The following NUMA1 variants were observed in gnomAD, a reference collection of about 807,000 sequenced individuals.
NUMA1 encodes nuclear mitotic apparatus protein 1, also known as SP-H antigen.
NUMA1 carries 62 observed loss-of-function variants against 237.1 expected under a neutral mutation model. The observed-to-expected ratio is 0.26, with a 90% CI of 0.21 to 0.32. NUMA1 has a LOEUF of 0.32. Among genes scored for constraint, NUMA1 ranks in the 10% least tolerant of loss-of-function variants. NUMA1 has a pLI of 1.00. For synonymous variants in NUMA1, 1,028 were observed against 1,066.1 expected (o/e 0.96, Z 0.70); for missense variants, 2,533 against 2,666.5 (o/e 0.95, Z 1.10).
intron 13 of NUMA1, chr11:72,017,297 T>C (rs1937968548): frequency 3.9e-6 from 1 of 258,112 alleles, no homozygotes; most frequent in African/African-American, 2.2e-5. Context: ...CACTGAGAGC[T>C]TACTTTACAC....
In NUMA1 at chr11:72,063,088, C is replaced by A. The variant is rs1943027415; in HGVS notation, c.-33+6754G>T. Among the ~76,000 whole-genome samples the A allele has an allele frequency of 3.3e-5, 5 of 151,660 alleles. No homozygotes were observed. The South Asian group carries it at 1.0e-3, about 32-fold the overall frequency. On this transcript the variant is annotated intron_variant, in intron 2 of 26. Transcript: ENST00000393695. ...CTCCATCTCAAAAACAAAACAAAAC[C>A]TTGATATTTGGGCCAGGTGTGGTGG...
chr11:72,049,558 A>ATT (rs1206062153), intron 2 of NUMA1: 835 of 44,916 alleles, frequency 0.019, 68 homozygotes, highest in Middle Eastern at 0.036. Context: ...AAAAATAATA[A>ATT]TAATATATAT....
At chr11:72,037,504 T>A (rs1941173174) in intron 2 of NUMA1, among the ~76,000 whole-genome samples, 1 of 151,492 alleles carries the variant, frequency 6.6e-6, no homozygotes, top group South Asian at 2.1e-4. Flanking sequence ...AGACTCCGTC[T>A]CAAAAAAAAA....
At position 72,011,355 on chromosome 11, in the gene NUMA1, T is replaced by C. The variant is rs150214094; in HGVS notation, c.4651-501A>G. Among the ~76,000 whole-genome samples the C allele has an allele frequency of 1.8e-3, 281 of 152,348 alleles. 1 individual carries two copies. Among genetic ancestry groups the C allele is most frequent in the Admixed American group, 7.5e-3 (115 of 15,314 alleles). The stretch of plus-strand genomic sequence containing the variant: ...GCCGTTAGGGCTGGTGCTAGCAGCA[T>C]GGCTGCTGTGGTTAGCATTGGGGAA... On this transcript the variant is annotated intron_variant, in intron 16 of 26. Coordinates refer to ENST00000393695, the MANE Select transcript of NUMA1 (RefSeq NM_006185.4).
chr11:72,003,813 T>C, intron 26 of NUMA1, 74 bp downstream of exon 26: 1 of 1,498,534 alleles, frequency 6.7e-7, no homozygotes, highest in African/African-American at 1.4e-5. Flanking sequence ...TCTTGGATGC[T>C]ACTTGGTGGG....
intron 2 of NUMA1, chr11:72,040,684 T>C (rs1941571167): frequency 6.6e-6 from 1 of 152,168 alleles, no homozygotes. Context: ...ACGCTTTCCT[T>C]CTCTGAACAA....
Position 72,022,859 on chromosome 11 carries a change from T to C in NUMA1, c.291+206A>G, listed in dbSNP as rs935495264. Among the ~76,000 whole-genome samples the C allele has an allele frequency of 3.4e-4, 52 of 152,112 alleles. 2 individuals are homozygous for C. The highest frequency in any genetic ancestry group is 2.6e-3 in the Admixed American group (39 of 15,282). On this transcript the variant is annotated intron_variant, in intron 6 of 26. Transcript: ENST00000393695. ...ATTGTTTGTTTCATAATCTCTGTCA[T>C]AAGATCATGGGCTCCTAGAATCCTT...
intron 2 of NUMA1, among the ~76,000 whole-genome samples, chr11:72,043,704 A>G (rs1941830669): frequency 6.6e-6 from 1 of 152,102 alleles, no homozygotes; most frequent in Non-Finnish European, 1.5e-5. Flanking sequence ...GAGCTATACT[A>G]TAGAGGTCAC....
chr11:72,013,274 A>T lies in NUMA1; in HGVS notation c.4229T>A (p.Ile1410Asn). 1 of 1,604,524 alleles carries T rather than the reference A, an allele frequency of 6.2e-7. No individual in the cohort carries two copies. Among genetic ancestry groups the T allele is most frequent in the Non-Finnish European group, 8.5e-7 (1 of 1,179,750 alleles). The change falls in exon 15 of 27, where the codon ATT becomes AAT. Residue 1410 changes from isoleucine to asparagine, a missense_variant. Ile to Asn is a moderately radical substitution (Grantham distance 149). Transcript: ENST00000393695. This position sits in a 1 kb window ranked among gnomAD's most constrained non-coding sequence, Gnocchi z 6.8. ...LRAQRELGELIPLRQKVAEQE... is the reference protein window; with the variant it reads ...LRAQRELGELNPLRQKVAEQE... ...CTCTGCCACCTTCTGCCGCAGAGGA[A>T]TCAGCTCCCCAAGCTCCCGCTGGGC...
chr11:72,049,099 A>G (rs1053226497), intron 2 of NUMA1, among the ~76,000 whole-genome samples: 18 of 152,182 alleles, frequency 1.2e-4, no homozygotes, highest in Admixed American at 4.6e-4. Flanking sequence ...GCCTTTCTAC[A>G]AAACAGCTAA....
At chr11:72,042,447 T>A (rs924181350) in intron 2 of NUMA1, among the ~76,000 whole-genome samples, 2 of 152,196 alleles carry the variant, frequency 1.3e-5, no homozygotes, top group African/African-American at 4.8e-5. Context: ...AAAGAAAAAT[T>A]CTAACCAGTT....
intron 13 of NUMA1, 188 bp from the exon 14 acceptor site, chr11:72,016,718 T>C: frequency 1.5e-6 from 1 of 646,504 alleles, no homozygotes; most frequent in Non-Finnish European, 2.6e-6. Flanking sequence ...CTAGACCTAG[T>C]TCTAAGGCAC....
At chr11:72,038,293 A>G (rs1270280262) in intron 2 of NUMA1, among the ~76,000 whole-genome samples, 1 of 152,200 alleles carries the variant, frequency 6.6e-6, no homozygotes, top group Non-Finnish European at 1.5e-5. Flanking sequence ...AGGTCCTCCC[A>G]GGAGAGCCTG....
chr11:72,005,592 G>A (rs1955631297), intron 22 of NUMA1: 2 of 549,634 alleles, frequency 3.6e-6, no homozygotes, highest in Admixed American at 3.7e-5. Context: ...GAGGTCACAC[G>A]CAGAGACTGC....
At chr11:72,072,860 G>A (rs1041352730) in intron 1 of NUMA1, among the ~76,000 whole-genome samples, 5 of 151,850 alleles carry the variant, frequency 3.3e-5, no homozygotes, top group Admixed American at 6.6e-5. Flanking sequence ...AGAGACCACG[G>A]TGAAACCCCG....
At chr11:72,025,454 G>A (rs1939456594) in intron 4 of NUMA1, among the ~76,000 whole-genome samples, 1 of 152,070 alleles carries the variant, frequency 6.6e-6, no homozygotes, top group African/African-American at 2.4e-5. Flanking sequence ...CCTGCTCTGG[G>A]AGGCTTTTGC....
Position 72,013,011 on chromosome 11 carries a change from C to T in NUMA1, c.4492G>A (p.Ala1498Thr). Residue 1498 changes from alanine to threonine, a missense_variant, in exon 15 of 27, where the codon GCA (alanine) becomes ACA (threonine). Physicochemically the swap from Ala to Thr is moderately conservative, Grantham distance 58. Coordinates refer to ENST00000393695, the MANE Select transcript of NUMA1 (RefSeq NM_006185.4). This position sits in a 1 kb window ranked among gnomAD's most constrained non-coding sequence, Gnocchi z 6.8. ...TCCAGCTCCCGGGCAGTGCTCTGTG[C>T]TTCTCGCTGCACCTCAGCCAGACGG... ...ETRLAEVQREAQSTARELEVM... is the reference protein window; with the variant it reads ...ETRLAEVQRETQSTARELEVM... 2 of 1,614,194 alleles carry T rather than the reference C, an allele frequency of 1.2e-6. No individual in the cohort carries two copies. Among genetic ancestry groups the T allele is most frequent in the Non-Finnish European group, 1.7e-6 (2 of 1,180,032 alleles).
In NUMA1 at chr11:72,003,387, G is replaced by C. The variant is rs1229181773; in HGVS notation, c.*140C>G. 1 of 824,492 alleles carries C rather than the reference G, an allele frequency of 1.2e-6. No homozygotes were observed. Among genetic ancestry groups the C allele is most frequent in the Non-Finnish European group, 2.1e-6 (1 of 480,254 alleles). The allele number at this position is 824,492 out of a possible 1,614,324, so 51.1% of individuals were successfully genotyped here. ...AGGACCAGGGACCAGGCCAGGGTGC[G>C]GGCAGGCATCACTGTCTCTAGGGGT... On this transcript the variant is annotated 3_prime_UTR_variant, in exon 27 of 27. Transcript: ENST00000393695.
chr11:72,058,946 T>C (rs761892987), intron 2 of NUMA1, among the ~76,000 whole-genome samples: 6 of 152,094 alleles, frequency 3.9e-5, no homozygotes, highest in South Asian at 4.1e-4. Context: ...CTCCAAACAA[T>C]TGGAAAGGAG....
Sources: gnomAD v4.1 joint callset for allele counts (sites outside exome capture counted in the v4.1 genomes callset) on GRCh38, gnomAD v4.1.1 for gene constraint, Gnocchi (gnomAD v3.1) non-coding constraint, MANE v1.5 for transcripts, NCBI Gene and HGNC (gene_info 2026-07-23, HGNC 2026-07-21) for gene names.